The following JARID2 variants were observed in gnomAD, a reference collection of about 807,000 sequenced individuals.
JARID2 encodes jumonji and AT-rich interaction domain containing 2.
In JARID2, 21 loss-of-function variants were observed where a neutral mutation model predicts 125.6. The observed-to-expected ratio is 0.17, with a 90% CI of 0.12 to 0.24. The LOEUF is 0.24. Among genes scored for constraint, JARID2 ranks in the 10% least tolerant of loss-of-function variants. The pLI, the probability that JARID2 is intolerant of heterozygous loss-of-function variation, is 1.00. For missense variants in JARID2, 1,303 were observed against 1,639.6 expected (o/e 0.79, Z 3.55); for synonymous variants, 736 against 661.6 (o/e 1.11, Z -1.73).
intron 1 of JARID2, among the ~76,000 whole-genome samples, chr6:15,268,957 G>A (rs1246538345): frequency 6.6e-6 from 1 of 152,204 alleles, no homozygotes; most frequent in Non-Finnish European, 1.5e-5. Context: ...TCAGGCGTGT[G>A]CGTGTGCCCA....
At chr6:15,429,963 G>A (rs1383677074) in intron 3 of JARID2, among the ~76,000 whole-genome samples, 4 of 152,086 alleles carry the variant, frequency 2.6e-5, no homozygotes, top group African/African-American at 4.8e-5. Context: ...GTCCTCAGAC[G>A]TCATTATAAT....
At chr6:15,461,892 T>C (rs1399193880) in intron 4 of JARID2, among the ~76,000 whole-genome samples, 2 of 152,052 alleles carry the variant, frequency 1.3e-5, no homozygotes, top group Admixed American at 1.3e-4. Context: ...CTTTTTTTTT[T>C]TTTGGAAATA....
At chr6:15,278,784 C>T (rs1238556110) in intron 1 of JARID2, among the ~76,000 whole-genome samples, 1 of 151,600 alleles carries the variant, frequency 6.6e-6, no homozygotes, top group Non-Finnish European at 1.5e-5. Flanking sequence ...AATTGTCCAG[C>T]CGGGCTGGGC....
At chr6:15,378,842 G>A (rs891703678) in intron 2 of JARID2, among the ~76,000 whole-genome samples, 1 of 152,170 alleles carries the variant, frequency 6.6e-6, no homozygotes, top group Non-Finnish European at 1.5e-5. Flanking sequence ...AAAAATAACA[G>A]CAGAATGGAT....
intron 1 of JARID2, among the ~76,000 whole-genome samples, chr6:15,359,449 G>A (rs189079316): frequency 2.6e-5 from 4 of 152,170 alleles, no homozygotes; most frequent in Admixed American, 1.3e-4. Flanking sequence ...ATTTGCGGCC[G>A]CCTGAAACCT....
intron 1 of JARID2, among the ~76,000 whole-genome samples, chr6:15,264,486 T>A (rs116447585): frequency 6.6e-6 from 1 of 152,176 alleles, no homozygotes; most frequent in Non-Finnish European, 1.5e-5. Context: ...ACTCCTGTGC[T>A]CAGGTCATTA....
At chr6:15,428,940 CA>C (rs56334116) in intron 3 of JARID2, among the ~76,000 whole-genome samples, 13,912 of 116,684 alleles carry the variant, frequency 0.12, 761 homozygotes, top group East Asian at 0.16. Flanking sequence ...ACCCCCCCCC[CA>C]AAAAAAAAAA....
At chr6:15,409,994 A>G (rs1027292598) in intron 2 of JARID2, among the ~76,000 whole-genome samples, 5 of 152,304 alleles carry the variant, frequency 3.3e-5, no homozygotes, top group Middle Eastern at 3.4e-3. Flanking sequence ...TTTCTGCTCA[A>G]ATTTCTTACT....
intron 1 of JARID2, among the ~76,000 whole-genome samples, chr6:15,263,065 G>C (rs542342507): frequency 8.7e-4 from 123 of 141,090 alleles, no homozygotes; most frequent in African/African-American, 3.2e-3. Flanking sequence ...CCCTTTGGAG[G>C]GTGTGTGTTT....
chr6:15,345,677 G>T (rs530515059), intron 1 of JARID2, among the ~76,000 whole-genome samples: 1 of 152,186 alleles, frequency 6.6e-6, no homozygotes, highest in South Asian at 2.1e-4. Context: ...TTATAAGTTT[G>T]CTTCCTTTAA....
chr6:15,424,452 A>C (rs1441683740), intron 3 of JARID2, among the ~76,000 whole-genome samples: 1 of 152,234 alleles, frequency 6.6e-6, no homozygotes, highest in Non-Finnish European at 1.5e-5. Context: ...AAAATTTATG[A>C]TTATAGATTC....
At chr6:15,363,785 G>C (rs1763880619) in intron 1 of JARID2, among the ~76,000 whole-genome samples, 1 of 152,176 alleles carries the variant, frequency 6.6e-6, no homozygotes, top group East Asian at 1.9e-4. Flanking sequence ...TTTTTGGAGG[G>C]AAAATGTGCA....
chr6:15,473,514 G>GCCCCCCCCCCCCCCCCCCCCCCCCCC lies in JARID2; in HGVS notation c.670+4812_670+4813insCCCCCCCCCCCCCCCCCCCCCCCCCC, dbSNP rs3841758. On this transcript the variant is annotated intron_variant, in intron 5 of 17. Coordinates refer to ENST00000341776, the MANE Select transcript of JARID2 (RefSeq NM_004973.4). ...GTCTCCCTTGTCTTCTGATGTGCGT[G>GCCCCCCCCCCCCCCCCCCCCCCCCCC]CCCCCCCCCCCCCCCCGCTTTGTGT... 1.1e-4 allele frequency among the ~76,000 whole-genome samples: 4 copies of GCCCCCCCCCCCCCCCCCCCCCCCCCC among 35,000 alleles called. 2 individuals carry two copies. Among genetic ancestry groups the GCCCCCCCCCCCCCCCCCCCCCCCCCC allele is most frequent in the Non-Finnish European group, 1.5e-4 (2 of 13,446 alleles). The allele number at this position is 35,000 out of a possible 152,430, so 23.0% of individuals were successfully genotyped here. A position where few individuals can be genotyped will look rare whatever the true frequency, so the allele number is the denominator to read the frequency against.
At chr6:15,313,932 TCTG>T (rs956852255) in intron 1 of JARID2, among the ~76,000 whole-genome samples, 3 of 152,130 alleles carry the variant, frequency 2.0e-5, no homozygotes, top group Non-Finnish European at 4.4e-5. Context: ...CCTTATACCT[TCTG>T]CTGGCCCATG....
intron 1 of JARID2, among the ~76,000 whole-genome samples, chr6:15,355,774 G>T (rs1255975584): frequency 6.6e-6 from 1 of 152,174 alleles, no homozygotes; most frequent in Non-Finnish European, 1.5e-5. Flanking sequence ...ACCACGCCTG[G>T]CTAATTTCTG....
intron 1 of JARID2, among the ~76,000 whole-genome samples, chr6:15,278,941 C>A (rs1443904449): frequency 6.6e-6 from 1 of 152,026 alleles, no homozygotes; most frequent in Admixed American, 6.5e-5. Context: ...TGGTGGCATA[C>A]ACCTGTAATC....
intron 4 of JARID2, among the ~76,000 whole-genome samples, chr6:15,462,747 C>G (rs1017101250): frequency 6.6e-6 from 1 of 152,122 alleles, no homozygotes; most frequent in African/African-American, 2.4e-5. Flanking sequence ...TACAGCCAAG[C>G]GATGTTTCGC....
chr6:15,293,105 CTGTG>C (rs1232598852), intron 1 of JARID2, among the ~76,000 whole-genome samples: 1 of 152,208 alleles, frequency 6.6e-6, no homozygotes, highest in Admixed American at 6.5e-5. Flanking sequence ...TGTCTCTTCT[CTGTG>C]TGAGTAAAGC....
At chr6:15,407,813 G>C (rs894334931) in intron 2 of JARID2, among the ~76,000 whole-genome samples, 2 of 152,116 alleles carry the variant, frequency 1.3e-5, no homozygotes, top group Non-Finnish European at 2.9e-5. Flanking sequence ...GTGTTTGTCT[G>C]TCTCTCCTAA....
Sources: allele counts gnomAD v4.1 joint callset (sites outside exome capture counted in the v4.1 genomes callset), GRCh38; gene constraint gnomAD v4.1.1; transcripts MANE v1.5; gene names NCBI Gene and HGNC (gene_info 2026-07-23, HGNC 2026-07-21).